The following ALG13 variants were observed in gnomAD, a reference collection of about 807,000 sequenced individuals.
ALG13 encodes the protein UDP-N-acetylglucosamine transferase subunit ALG13.
A neutral mutation model predicts 87.8 loss-of-function variants in ALG13; 11 were observed. The ratio of observed to expected loss-of-function variants is 0.13; its 90% CI spans 0.08 to 0.21. The LOEUF (loss-of-function observed/expected upper bound fraction) is 0.21. ALG13 is among the 10% of genes least tolerant of loss of function. The pLI is 1.00. For missense variants in ALG13, 756 were observed against 866.1 expected, an observed-to-expected ratio of 0.87 and a Z score of 1.60; for synonymous variants, 320 against 306.3, an observed-to-expected ratio of 1.04 and a Z score of -0.47.
At position 111,722,813 on chromosome X, in the gene ALG13, A is replaced by G. The variant is rs774432865; in HGVS notation, c.1456A>G (p.Met486Val). The G allele has an allele frequency of 1.7e-6, 2 of 1,198,135 alleles. No homozygotes were observed. Among genetic ancestry groups the G allele is most frequent in the African/African-American group, 3.5e-5 (2 of 57,114 alleles). ...AATAGAACTTCAAAAATCTGATTAC[A>G]TGGAGTATGCTGGGAGACAGTACTA... The part of the protein sequence containing the change: ...SRKELQKSDY[M>V]EYAGRQYYLG... Residue 486 changes from methionine to valine, a missense_variant, in exon 13 of 27, where the codon ATG becomes GTG. Around this residue, in one of 9 missense-constraint regions of ALG13, gnomAD observed 362 missense variants for 383.5 expected, o/e 0.94. Transcript: ENST00000394780.
chrX:111,706,215 G>C (rs1938735713), intron 3 of ALG13, among the ~76,000 whole-genome samples: 1 of 111,763 alleles, frequency 8.9e-6, no homozygotes, highest in African/African-American at 3.3e-5. Context: ...ATTTTTAGTA[G>C]AGATGGGGTT....
At chrX:111,725,227 G>T (rs1045406545) in intron 15 of ALG13, among the ~76,000 whole-genome samples, 166 bp downstream of exon 15, 8 of 111,870 alleles carry the variant, frequency 7.2e-5, no homozygotes, top group South Asian at 3.7e-4. Flanking sequence ...ACTGTCGGGG[G>T]TTTGTCCTGT....
intron 15 of ALG13, among the ~76,000 whole-genome samples, chrX:111,725,615 TC>T (rs1241231805): frequency 9.0e-6 from 1 of 111,599 alleles, no homozygotes; most frequent in Non-Finnish European, 1.9e-5. Context: ...TTTGGAATGT[TC>T]CCAACATAAA....
intron 23 of ALG13, 82 bp downstream of exon 23, chrX:111,736,961 T>G: frequency 5.3e-6 from 4 of 756,867 alleles, no homozygotes; most frequent in African/African-American, 2.1e-5. Flanking sequence ...GGTAATTACA[T>G]ACCATTACTT....
intron 21 of ALG13, among the ~76,000 whole-genome samples, chrX:111,732,441 A>G (rs905996456): frequency 8.9e-6 from 1 of 112,315 alleles, no homozygotes; most frequent in Non-Finnish European, 1.9e-5. Context: ...AGGCTGCCAG[A>G]CTATGACTGT....
Position 111,726,886 on chromosome X carries a change from G to A in ALG13, c.1807G>A (p.Ala603Thr). 1 of 1,211,219 alleles carries A rather than the reference G, an allele frequency of 8.3e-7. No homozygotes were observed. Among genetic ancestry groups the A allele is most frequent in the Non-Finnish European group, 1.1e-6 (1 of 895,294 alleles). ...IRGKEVYMTM[A>T]YGKGDPLLPP... Reference sequence around the variant, plus strand: ...AGGGAAAGAAGTTTACATGACTATGGCTTACGGCAAGGGAGACCCCCTCCT... The same window carrying A: ...AGGGAAAGAAGTTTACATGACTATGACTTACGGCAAGGGAGACCCCCTCCT... The change falls in exon 16 of 27, where the codon GCT (alanine) becomes ACT (threonine). Residue 603 changes from alanine (A) to threonine (T), a missense_variant. Around this residue, in one of 9 missense-constraint regions of ALG13, gnomAD observed 362 missense variants for 383.5 expected, o/e 0.94. Coordinates refer to ENST00000394780, the MANE Select transcript of ALG13 (RefSeq NM_001099922.3).
chrX:111,688,019 C>T, intron 3 of ALG13: 1 of 1,107,366 alleles, frequency 9.0e-7, no homozygotes, highest in East Asian at 3.4e-5. Context: ...ACTCTCAACA[C>T]TTTAAAAGCA....
chrX:111,707,545 T>G (rs1041780570), intron 3 of ALG13, among the ~76,000 whole-genome samples: 20 of 111,938 alleles, frequency 1.8e-4, no homozygotes, highest in African/African-American at 6.5e-4. Flanking sequence ...TCTGCCGCTA[T>G]AGATTAAGGG....
Position 111,708,287 on chromosome X carries a change from A to G in ALG13, c.644A>G (p.Lys215Arg). The G allele has an allele frequency of 8.3e-7, 1 of 1,211,815 alleles. No individual in the cohort carries two copies. Among genetic ancestry groups the G allele is most frequent in the Non-Finnish European group, 1.1e-6 (1 of 895,465 alleles). ...GGATGGAAAAACTACTGCAGCCAGA[A>G]GTCTTTGAATGAGGCATCAATGGAT... is the stretch of plus-strand genomic sequence containing the variant. Reference protein sequence around the residue: ...HKGWKNYCSQKSLNEASMDEY... With the variant: ...HKGWKNYCSQRSLNEASMDEY... Residue 215 changes from lysine to arginine, a missense_variant, in exon 4 of 27, where the codon AAG becomes AGG. Physicochemically the swap from Lys to Arg is conservative, Grantham distance 26 (BLOSUM62 2). Coordinates refer to ENST00000394780, the MANE Select transcript of ALG13 (RefSeq NM_001099922.3).
chrX:111,703,615 A>G (rs1475293477), intron 3 of ALG13, among the ~76,000 whole-genome samples: 4 of 112,268 alleles, frequency 3.6e-5, no homozygotes, highest in Non-Finnish European at 5.6e-5. Context: ...AAATGCAGGC[A>G]TACAGTGTGT....
chrX:111,695,075 T>C (rs910601370), intron 3 of ALG13, among the ~76,000 whole-genome samples: 1 of 112,193 alleles, frequency 8.9e-6, no homozygotes. Context: ...AAACTCATAC[T>C]CAGTTTCTAA....
At chrX:111,684,757 TAA>T (rs1476725437) in intron 2 of ALG13, among the ~76,000 whole-genome samples, 1 of 112,367 alleles carries the variant, frequency 8.9e-6, no homozygotes, top group East Asian at 2.8e-4. Context: ...AGTGATAAAG[TAA>T]TGTATTTTTC....
chrX:111,758,946 A>G (rs750617960), intron 26 of ALG13, among the ~76,000 whole-genome samples: 2 of 111,203 alleles, frequency 1.8e-5, no homozygotes, highest in African/African-American at 3.3e-5. Context: ...GACCTTATGT[A>G]TAAGTATACT....
chrX:111,744,674 C>T lies in ALG13; in HGVS notation c.2702C>T (p.Ala901Val). The T allele has an allele frequency of 8.4e-7, 1 of 1,184,841 alleles. No homozygotes were observed. Among genetic ancestry groups the T allele is most frequent in the Non-Finnish European group, 1.1e-6 (1 of 883,891 alleles). The change falls in exon 24 of 27, where the codon GCC becomes GTC. Residue 901 changes from alanine (A) to valine (V), a missense_variant. Around this residue, in one of 9 missense-constraint regions of ALG13, gnomAD observed 362 missense variants for 383.5 expected, o/e 0.94. Coordinates refer to ENST00000394780, the MANE Select transcript of ALG13 (RefSeq NM_001099922.3). The stretch of plus-strand genomic sequence containing the variant: ...TGTTTTGTTTCTTTGTTAGTGATTG[C>T]CTCACCATCCTATCCATGCCATTCT... ...SPPTHGRPVI[A>V]SPSYPCHSAI...
chrX:111,694,836 G>A (rs1445962756), intron 3 of ALG13, among the ~76,000 whole-genome samples: 5 of 111,751 alleles, frequency 4.5e-5, no homozygotes, highest in African/African-American at 1.6e-4. Context: ...TAGTTTTCTG[G>A]ATCTCAGTTT....
At chrX:111,751,257 C>T (rs1489226729) in intron 24 of ALG13, among the ~76,000 whole-genome samples, 5 of 108,771 alleles carry the variant, frequency 4.6e-5, no homozygotes, top group South Asian at 4.1e-4. Flanking sequence ...TTAGTAGAGA[C>T]GGGGTTTCAC....
At chrX:111,704,667 CTG>C (rs1264512642) in intron 3 of ALG13, among the ~76,000 whole-genome samples, 1 of 111,429 alleles carries the variant, frequency 9.0e-6, no homozygotes, top group African/African-American at 3.3e-5. Flanking sequence ...TAGTGGTTGT[CTG>C]GGGTTGGTGG....
At position 111,715,602 on chromosome X, in the gene ALG13, C is replaced by T. The variant is rs61043885; in HGVS notation, c.1006-2244C>T. Among the ~76,000 whole-genome samples the T allele has an allele frequency of 5.2e-3, 578 of 112,034 alleles. 3 individuals carry two copies. Among genetic ancestry groups the T allele is most frequent in the African/African-American group, 0.018 (541 of 30,815 alleles). On this transcript the variant is annotated intron_variant, in intron 8 of 26. Transcript: ENST00000394780. ...GTGTGGTGGCGCATGCCTGTAATCC[C>T]AGCTACTTGGGAGGCTGAGGCAGAA...
chrX:111,703,479 G>A (rs767539190), intron 3 of ALG13, among the ~76,000 whole-genome samples: 60 of 111,146 alleles, frequency 5.4e-4, no homozygotes, highest in African/African-American at 2.0e-3. Context: ...TACCACAGTC[G>A]AGATGCAGAA....
Sources: allele counts gnomAD v4.1 joint callset (sites outside exome capture counted in the v4.1 genomes callset), GRCh38; gene constraint gnomAD v4.1.1; regional missense constraint gnomAD v4.1.1; transcripts MANE v1.5; gene names NCBI Gene and HGNC (gene_info 2026-07-23, HGNC 2026-07-21).